Variants in LYPLAL1 observed in about 807,000 individuals in gnomAD.
The protein encoded by LYPLAL1 is lysophospholipase like 1.
LYPLAL1 carries 23 observed loss-of-function variants against 19.7 expected under a neutral mutation model. The observed-to-expected ratio is 1.17, with a 90% CI of 0.84 to 1.65. The LOEUF (loss-of-function observed/expected upper bound fraction) is 1.65, where lower values mean the gene tolerates loss of function less well. Among genes scored for constraint, LYPLAL1 ranks in the 40% most tolerant of loss-of-function variants. The pLI is 0.00. For synonymous variants in LYPLAL1, 119 were observed against 96.3 expected, an observed-to-expected ratio of 1.24 and a Z score of -1.38; for missense variants, 355 against 279.4, an observed-to-expected ratio of 1.27 and a Z score of -1.93.
chr1:219,335,494 A>G, the LYPLAL1 span, among the ~76,000 whole-genome samples: 1 of 151,944 alleles, frequency 6.6e-6, no homozygotes, highest in Non-Finnish European at 1.5e-5. Flanking sequence ...ATTAGAATTT[A>G]TAAGAAACAT....
At chr1:219,275,358 C>A in the LYPLAL1 span, among the ~76,000 whole-genome samples, 1 of 152,150 alleles carries the variant, frequency 6.6e-6, no homozygotes, top group Non-Finnish European at 1.5e-5. Flanking sequence ...TCCTGGAGAG[C>A]AATGTATACC....
At chr1:219,209,509 T>C (rs1015733951) in intron 3 of LYPLAL1, among the ~76,000 whole-genome samples, 4 of 152,140 alleles carry the variant, frequency 2.6e-5, no homozygotes, top group Admixed American at 6.5e-5. Flanking sequence ...TTGTAGTAAA[T>C]TCAAATTTAT....
intron 1 of LYPLAL1, among the ~76,000 whole-genome samples, chr1:219,174,663 T>C (rs1483195875): frequency 6.6e-6 from 1 of 152,182 alleles, no homozygotes; most frequent in Non-Finnish European, 1.5e-5. Context: ...TTAACACTCA[T>C]CTGTAATCAC....
chr1:219,251,433 C>A, the LYPLAL1 span, among the ~76,000 whole-genome samples: 1 of 152,040 alleles, frequency 6.6e-6, no homozygotes, highest in Non-Finnish European at 1.5e-5. Flanking sequence ...AGTCTTTGAT[C>A]CATCTTGAGT....
chr1:219,231,524 G>A, the LYPLAL1 span, among the ~76,000 whole-genome samples: 1 of 152,134 alleles, frequency 6.6e-6, no homozygotes, highest in Non-Finnish European at 1.5e-5. Context: ...GTATATATAT[G>A]TATATGTGGG....
chr1:219,440,471 C>A, the LYPLAL1 span, among the ~76,000 whole-genome samples: 1 of 151,922 alleles, frequency 6.6e-6, no homozygotes, highest in Non-Finnish European at 1.5e-5. Flanking sequence ...CATCAAAGAC[C>A]ACTGAAAGTG....
rs576742601 is a variant in LYPLAL1, at chr1:219,199,078, C to A, written c.361+5827C>A. ...TTATTTCTCAATACCAAGTAGTATG[C>A]GTACTCCAAAGTATGGTCATTCAGT... On this transcript the variant is annotated intron_variant, in intron 3 of 4. Transcript: ENST00000366928. Among the ~76,000 whole-genome samples the A allele has an allele frequency of 3.3e-5, 5 of 152,086 alleles. No individual in the cohort carries two copies. The South Asian group carries it at 8.3e-4, about 25-fold the overall frequency.
At chr1:219,366,900 C>A in the LYPLAL1 span, among the ~76,000 whole-genome samples, 3 of 151,880 alleles carry the variant, frequency 2.0e-5, no homozygotes. Context: ...GTCTTTACTT[C>A]CAGAAAAATG....
the LYPLAL1 span, among the ~76,000 whole-genome samples, chr1:219,345,330 G>A: frequency 2.0e-5 from 3 of 152,282 alleles, no homozygotes; most frequent in African/African-American, 7.2e-5. Flanking sequence ...AATGGAATGT[G>A]TAATTTAATG....
At chr1:219,415,228 A>G in the LYPLAL1 span, among the ~76,000 whole-genome samples, 1 of 152,232 alleles carries the variant, frequency 6.6e-6, no homozygotes, top group Non-Finnish European at 1.5e-5. Context: ...AGAAAAAGAC[A>G]TAGAACCCAG....
At chr1:219,179,298 A>G (rs1164325131) in intron 2 of LYPLAL1, 52 bp downstream of exon 2, 2 of 1,271,390 alleles carry the variant, frequency 1.6e-6, no homozygotes, top group East Asian at 4.8e-5. Context: ...CATAAAATAT[A>G]TATAGAGAGA....
At chr1:219,298,396 T>C in the LYPLAL1 span, among the ~76,000 whole-genome samples, 1 of 152,260 alleles carries the variant, frequency 6.6e-6, no homozygotes, top group Non-Finnish European at 1.5e-5. Context: ...ACAAATGTGT[T>C]ATGCATATGA....
At chr1:219,282,176 C>A in the LYPLAL1 span, among the ~76,000 whole-genome samples, 1 of 151,898 alleles carries the variant, frequency 6.6e-6, no homozygotes, top group African/African-American at 2.4e-5. Context: ...ATAACAGTTA[C>A]CATGAGAAAG....
chr1:219,445,345 C>CA, the LYPLAL1 span, among the ~76,000 whole-genome samples: 17 of 117,982 alleles, frequency 1.4e-4, 1 homozygote, highest in Admixed American at 5.0e-4. Flanking sequence ...ATAGTCTGAC[C>CA]AAAAAAAAAC....
the LYPLAL1 span, among the ~76,000 whole-genome samples, chr1:219,366,964 T>A: frequency 6.6e-6 from 1 of 152,064 alleles, no homozygotes; most frequent in East Asian, 1.9e-4. Context: ...AGAGCCCACA[T>A]AGGAAAATAA....
chr1:219,344,628 A>C, the LYPLAL1 span, among the ~76,000 whole-genome samples: 4 of 152,068 alleles, frequency 2.6e-5, no homozygotes, highest in Non-Finnish European at 1.5e-5. Context: ...GCCCCACCCT[A>C]ACCGCTCCAG....
chr1:219,180,771 A>G (rs761249945), intron 2 of LYPLAL1, among the ~76,000 whole-genome samples: 95 of 152,318 alleles, frequency 6.2e-4, no homozygotes, highest in Non-Finnish European at 9.7e-4. Context: ...TTATCTTAAG[A>G]ATTTCATGTC....
chr1:219,228,742 C>T, the LYPLAL1 span, among the ~76,000 whole-genome samples: 2 of 152,046 alleles, frequency 1.3e-5, no homozygotes, highest in South Asian at 2.1e-4. Context: ...TGCAATGGCG[C>T]GATCTTGGCT....
the LYPLAL1 span, among the ~76,000 whole-genome samples, chr1:219,276,135 T>G: frequency 6.6e-6 from 1 of 152,154 alleles, no homozygotes; most frequent in South Asian, 2.1e-4. Context: ...TCAATTTGCC[T>G]CTCACTCAAG....
Sources: gnomAD v4.1 joint callset for allele counts (sites outside exome capture counted in the v4.1 genomes callset) on GRCh38, gnomAD v4.1.1 for gene constraint, MANE v1.5 for transcripts, NCBI Gene and HGNC (gene_info 2026-07-23, HGNC 2026-07-21) for gene names.